The following TRABD2B variants were observed in gnomAD, a reference collection of about 807,000 sequenced individuals.
TRABD2B encodes metalloprotease TIKI2.
Under a neutral mutation model 40.1 loss-of-function variants are expected in TRABD2B, and 14 were observed. The observed-to-expected ratio is 0.35, with a 90% confidence interval of 0.23 to 0.55. The LOEUF is 0.55. Among genes scored for constraint, TRABD2B ranks in the 20% least tolerant of loss-of-function variants. The pLI is 0.90. For synonymous variants in TRABD2B, 263 were observed against 277.0 expected (o/e 0.95, Z 0.50); for missense variants, 541 against 648.6 (o/e 0.83, Z 1.80).
At position 47,910,244 on chromosome 1, in the gene TRABD2B, G is replaced by T. The variant is rs115705347; in HGVS notation, c.666+83790C>A. On this transcript the variant is annotated intron_variant, in intron 2 of 6. Transcript: ENST00000606738. ...TATTCTTACTACCTTCATCTTATAG[G>T]TGAGGAAACTGAGGTTTAGAGAGGT... Among the ~76,000 whole-genome samples, 1,268 of 152,188 alleles carry T rather than the reference G, an allele frequency of 8.3e-3. 13 individuals are homozygous for T. Among genetic ancestry groups the T allele is most frequent in the Middle Eastern group, 0.034 (10 of 294 alleles).
intron 4 of TRABD2B, 125 bp from the exon 5 acceptor site, chr1:47,778,669 T>C (rs951246779): frequency 3.2e-5 from 22 of 697,004 alleles, no homozygotes; most frequent in African/African-American, 2.6e-4. Context: ...ATGCCCCAGA[T>C]TCCCTGAGAG....
rs1291645622 is a variant in TRABD2B at position 47,762,855 on chromosome 1, A to G, written c.*3047T>C. The G allele has an allele frequency of 6.6e-6, 1 of 152,178 alleles. No homozygotes were observed. Among genetic ancestry groups the G allele is most frequent in the Non-Finnish European group, 1.5e-5 (1 of 68,034 alleles). 9.4% of individuals were successfully genotyped at this position (152,178 alleles called of 1,614,324 possible). On this transcript the variant is annotated 3_prime_UTR_variant, in exon 7 of 7. Coordinates refer to ENST00000606738, the MANE Select transcript of TRABD2B (RefSeq NM_001194986.2). ...GGACATGGCCATTCCAACATGCCCCAGAGAGCCCTTCATCACACAGTCAGC... is the reference window on the plus strand; with the variant it reads ...GGACATGGCCATTCCAACATGCCCCGGAGAGCCCTTCATCACACAGTCAGC...
Position 47,997,042 on chromosome 1 carries a change from G to GCC in TRABD2B, c.-255_-254dup. 1 of 1,057,190 alleles carries GCC rather than the reference G, an allele frequency of 9.5e-7. No individual in the cohort carries two copies. The highest frequency in any genetic ancestry group is 1.1e-6 in the Non-Finnish European group (1 of 877,650). The allele number at this position is 1,057,190 out of a possible 1,614,324, so 65.5% of individuals were successfully genotyped here. On this transcript the variant is annotated 5_prime_UTR_variant, in exon 1 of 7. Coordinates refer to ENST00000606738, the MANE Select transcript of TRABD2B (RefSeq NM_001194986.2). ...CCGGGCGCTCAACCTCGCTGGCCGA[G>GCC]CCCCCGGGTGCTGAGGGCGTGTTGG...
intron 2 of TRABD2B, among the ~76,000 whole-genome samples, chr1:47,924,900 C>G (rs1035104393): frequency 6.6e-6 from 1 of 152,198 alleles, no homozygotes; most frequent in Non-Finnish European, 1.5e-5. Context: ...GACTAAGAAC[C>G]TACTCCTGTG....
chr1:47,860,493 G>C (rs1288638706), intron 2 of TRABD2B, among the ~76,000 whole-genome samples: 1 of 152,166 alleles, frequency 6.6e-6, no homozygotes, highest in East Asian at 1.9e-4. Flanking sequence ...GAGTCTGCTT[G>C]AGAAATGGTC....
chr1:47,995,687 C>G (rs1330199803), intron 1 of TRABD2B, among the ~76,000 whole-genome samples: 1 of 152,196 alleles, frequency 6.6e-6, no homozygotes, highest in African/African-American at 2.4e-5. Context: ...TAACACTTTT[C>G]TGCCTGATTC....
chr1:47,952,398 G>A (rs1306197911), intron 2 of TRABD2B, among the ~76,000 whole-genome samples: 1 of 152,176 alleles, frequency 6.6e-6, no homozygotes, highest in East Asian at 1.9e-4. Flanking sequence ...CTAAGACCCT[G>A]AGCAGACATC....
intron 1 of TRABD2B, among the ~76,000 whole-genome samples, chr1:47,995,556 T>C (rs1646078001): frequency 6.6e-6 from 1 of 151,926 alleles, no homozygotes; most frequent in African/African-American, 2.4e-5. Flanking sequence ...AAGAGAGGCA[T>C]GCAGACAGGG....
chr1:47,835,594 T>C (rs559308953), intron 2 of TRABD2B, among the ~76,000 whole-genome samples: 147 of 152,314 alleles, frequency 9.7e-4, no homozygotes, highest in African/African-American at 3.2e-3. Flanking sequence ...ACAGAAATCA[T>C]GGAGGCCAGA....
chr1:47,833,993 C>T lies in TRABD2B; in HGVS notation c.667-32374G>A, dbSNP rs1645285095. Among the ~76,000 whole-genome samples, 3 of 152,326 alleles carry T rather than the reference C, an allele frequency of 2.0e-5. No homozygotes were observed. In the South Asian group the frequency reaches 6.2e-4, roughly 32 times the overall value. On this transcript the variant is annotated intron_variant, in intron 2 of 6. Coordinates refer to ENST00000606738, the MANE Select transcript of TRABD2B (RefSeq NM_001194986.2). ...TTAACTTGCCCTATTACCCATACGCCTTCTGCAGTATCCTTGAAAACCAAC... is the reference window on the plus strand; with the variant it reads ...TTAACTTGCCCTATTACCCATACGCTTTCTGCAGTATCCTTGAAAACCAAC...
intron 2 of TRABD2B, among the ~76,000 whole-genome samples, chr1:47,964,708 G>A (rs1396217910): frequency 1.3e-5 from 2 of 152,036 alleles, no homozygotes; most frequent in East Asian, 1.9e-4. Context: ...AGGGTATTAC[G>A]GTAACACCAT....
At chr1:47,883,963 T>A (rs1468903161) in intron 2 of TRABD2B, among the ~76,000 whole-genome samples, 2 of 152,172 alleles carry the variant, frequency 1.3e-5, no homozygotes, top group Non-Finnish European at 2.9e-5. Flanking sequence ...CTGAGCCTGG[T>A]GTCTTGGAAA....
intron 2 of TRABD2B, among the ~76,000 whole-genome samples, chr1:47,946,677 A>T (rs981803019): frequency 2.0e-5 from 3 of 152,278 alleles, no homozygotes; most frequent in Middle Eastern, 6.8e-3. Context: ...TAATGACACA[A>T]GGGGTTTTGG....
At chr1:47,911,177 G>A (rs1644758038) in intron 2 of TRABD2B, among the ~76,000 whole-genome samples, 1 of 152,216 alleles carries the variant, frequency 6.6e-6, no homozygotes, top group African/African-American at 2.4e-5. Flanking sequence ...CCTTCTAACA[G>A]CCTTATAGGG....
chr1:47,881,192 T>C (rs1332752443), intron 2 of TRABD2B, among the ~76,000 whole-genome samples: 1 of 152,144 alleles, frequency 6.6e-6, no homozygotes, highest in Non-Finnish European at 1.5e-5. Context: ...GTGGTGGTGG[T>C]GGGCCCGGGA....
At chr1:47,814,361 A>G (rs1190331520) in intron 2 of TRABD2B, among the ~76,000 whole-genome samples, 1 of 152,174 alleles carries the variant, frequency 6.6e-6, no homozygotes, top group Admixed American at 6.5e-5. Flanking sequence ...TTCTCTTTAG[A>G]AGCTGCCCCT....
chr1:47,955,804 T>C (rs1570361460), intron 2 of TRABD2B, among the ~76,000 whole-genome samples: 1 of 152,152 alleles, frequency 6.6e-6, no homozygotes, highest in Admixed American at 6.5e-5. Context: ...ATGTGGTCCT[T>C]GGGCCAAGCC....
At chr1:47,891,740 T>C (rs1424337468) in intron 2 of TRABD2B, among the ~76,000 whole-genome samples, 1 of 151,864 alleles carries the variant, frequency 6.6e-6, no homozygotes, top group Non-Finnish European at 1.5e-5. Flanking sequence ...AGGTTGAGGC[T>C]ACAGTGCACT....
At chr1:47,864,396 A>C (rs1274115607) in intron 2 of TRABD2B, among the ~76,000 whole-genome samples, 1 of 152,036 alleles carries the variant, frequency 6.6e-6, no homozygotes, top group Non-Finnish European at 1.5e-5. Flanking sequence ...TGCTGTGCAC[A>C]TGTTGGGCAG....
Sources: gnomAD v4.1 joint callset for allele counts (sites outside exome capture counted in the v4.1 genomes callset) on GRCh38, gnomAD v4.1.1 for gene constraint, MANE v1.5 for transcripts, NCBI Gene and HGNC (gene_info 2026-07-23, HGNC 2026-07-21) for gene names.